CTNNA3: variants seen among roughly 807,000 people sequenced by gnomAD.
CTNNA3 encodes catenin alpha-3.
Under a neutral mutation model 95.7 loss-of-function variants are expected in CTNNA3, and 76 were observed. The ratio of observed to expected loss-of-function variants is 0.79; its 90% CI spans 0.66 to 0.96. CTNNA3 has a LOEUF of 0.96. Among genes scored for constraint, CTNNA3 ranks in the 40% least tolerant of loss-of-function variants. The pLI is 0.00. For synonymous variants in CTNNA3, 431 were observed against 374.4 expected, an observed-to-expected ratio of 1.15 and a Z score of -1.74; for missense variants, 1,191 against 1,089.8, an observed-to-expected ratio of 1.09 and a Z score of -1.31.
chr10:67,040,406 G>A (rs1455833301), intron 7 of CTNNA3, among the ~76,000 whole-genome samples: 1 of 152,046 alleles, frequency 6.6e-6, no homozygotes, highest in Non-Finnish European at 1.5e-5. Context: ...GGGAGCCACT[G>A]CACAAAGGTC....
At chr10:67,438,794 T>C (rs549737780) in intron 5 of CTNNA3, among the ~76,000 whole-genome samples, 262 of 152,290 alleles carry the variant, frequency 1.7e-3, no homozygotes, top group African/African-American at 5.9e-3. Flanking sequence ...ATTGAACTTA[T>C]GCCCTGTCAC....
intron 5 of CTNNA3, among the ~76,000 whole-genome samples, chr10:67,320,681 A>G (rs562815061): frequency 1.3e-5 from 2 of 152,282 alleles, no homozygotes; most frequent in South Asian, 4.1e-4. Flanking sequence ...GTAGGTATTC[A>G]ATAAATGTTA....
intron 10 of CTNNA3, among the ~76,000 whole-genome samples, chr10:66,578,325 T>C (rs57939286): frequency 0.22 from 33,316 of 151,852 alleles, 4,639 homozygotes; most frequent in Middle Eastern, 0.41. Context: ...TCTTACCTGA[T>C]TACTTTGGCT....
chr10:66,810,653 T>TC (rs34219975), intron 7 of CTNNA3, among the ~76,000 whole-genome samples: 129,861 of 152,122 alleles, frequency 0.85, 55,971 homozygotes, highest in East Asian at 1. Context: ...TTACTTAAAA[T>TC]CTTCAATGTT....
chr10:67,641,839 A>G (rs538982075), intron 2 of CTNNA3, among the ~76,000 whole-genome samples: 6 of 152,236 alleles, frequency 3.9e-5, no homozygotes, highest in Middle Eastern at 3.4e-3. Context: ...GGGGAACATC[A>G]CACACCTGGG....
intron 11 of CTNNA3, among the ~76,000 whole-genome samples, chr10:66,427,644 T>C (rs890073494): frequency 2.6e-5 from 4 of 152,040 alleles, no homozygotes; most frequent in African/African-American, 9.7e-5. Flanking sequence ...AATAAGCCAT[T>C]TCAGCATATG....
At chr10:66,504,391 T>G (rs1373274556) in intron 11 of CTNNA3, among the ~76,000 whole-genome samples, 1 of 152,198 alleles carries the variant, frequency 6.6e-6, no homozygotes, top group African/African-American at 2.4e-5. Context: ...CCCAGGATGC[T>G]TTCTAAGTCC....
At position 65,956,702 on chromosome 10, in the gene CTNNA3, G is replaced by A. The variant is rs559561398; in HGVS notation, c.2400+9910C>T. ...TATCCATGTGGTTGAGTGGTTTTGA[G>A]TGAGTTTCTTAATCCTGAGTCCTAG... On this transcript the variant is annotated intron_variant, in intron 17 of 17. Transcript: ENST00000433211. Among the ~76,000 whole-genome samples the A allele has an allele frequency of 1.9e-4, 29 of 152,346 alleles. No homozygotes were observed. The South Asian group carries it at 5.0e-3, about 26-fold the overall frequency.
At chr10:66,630,342 G>C (rs1845088779) in intron 9 of CTNNA3, among the ~76,000 whole-genome samples, 1 of 152,104 alleles carries the variant, frequency 6.6e-6, no homozygotes, top group South Asian at 2.1e-4. Context: ...CAAAGGCTTA[G>C]ACAACTGGAC....
chr10:67,127,270 G>C lies in CTNNA3; in HGVS notation c.1047+53047C>G, dbSNP rs1859762520. The stretch of plus-strand genomic sequence containing the variant: ...AGTGGAGAGATACTGACATAGTCTG[G>C]AGAATTATTGACTTATTATACACTT... On this transcript the variant is annotated intron_variant, in intron 7 of 17. Coordinates refer to ENST00000433211, the MANE Select transcript of CTNNA3 (RefSeq NM_013266.4). Among the ~76,000 whole-genome samples, 3 of 152,174 alleles carry C rather than the reference G, an allele frequency of 2.0e-5. No homozygotes were observed. The South Asian group carries it at 6.2e-4, about 32-fold the overall frequency.
At chr10:65,943,068 C>CT (rs749513883) in intron 17 of CTNNA3, among the ~76,000 whole-genome samples, 2,048 of 142,076 alleles carry the variant, frequency 0.014, 57 homozygotes, top group East Asian at 0.11. Flanking sequence ...TTTTCTTTTT[C>CT]TTTTTTTTTT....
chr10:66,476,216 C>T (rs2921930), intron 11 of CTNNA3, among the ~76,000 whole-genome samples: 38 of 151,566 alleles, frequency 2.5e-4, no homozygotes, highest in Non-Finnish European at 2.4e-4. Flanking sequence ...TCAGCAGGAA[C>T]GGGGGATGTG....
chr10:66,416,363 GAGAA>G (rs1390264687), intron 11 of CTNNA3, among the ~76,000 whole-genome samples: 18 of 151,848 alleles, frequency 1.2e-4, no homozygotes, highest in South Asian at 4.2e-4. Flanking sequence ...AAGGCAAAGA[GAGAA>G]AGAGTTTAAA....
At chr10:66,841,818 TACAC>T (rs1843074391) in intron 7 of CTNNA3, among the ~76,000 whole-genome samples, 1 of 152,168 alleles carries the variant, frequency 6.6e-6, no homozygotes, top group African/African-American at 2.4e-5. Flanking sequence ...ATTAAGCACT[TACAC>T]AAACAAATAT....
chr10:66,258,973 T>C (rs189940954), intron 13 of CTNNA3, among the ~76,000 whole-genome samples: 2 of 152,310 alleles, frequency 1.3e-5, no homozygotes, highest in African/African-American at 4.8e-5. Flanking sequence ...TTTCCTAAAG[T>C]AACCACTACT....
At chr10:65,979,422 T>C (rs1038184023) in intron 16 of CTNNA3, among the ~76,000 whole-genome samples, 1 of 152,120 alleles carries the variant, frequency 6.6e-6, no homozygotes, top group African/African-American at 2.4e-5. Flanking sequence ...CTGAAATTTG[T>C]CATTCAAAGA....
intron 13 of CTNNA3, among the ~76,000 whole-genome samples, chr10:66,129,222 C>A (rs2082973065): frequency 6.6e-6 from 1 of 152,182 alleles, no homozygotes. Context: ...CGAGATTGTG[C>A]CATTGCACTC....
At chr10:66,827,216 T>G (rs1842546986) in intron 7 of CTNNA3, among the ~76,000 whole-genome samples, 1 of 152,182 alleles carries the variant, frequency 6.6e-6, no homozygotes, top group South Asian at 2.1e-4. Context: ...TGCTGACTTG[T>G]GTTCTTTTGC....
intron 9 of CTNNA3, among the ~76,000 whole-genome samples, chr10:66,683,624 G>A (rs941214831): frequency 3.7e-5 from 5 of 136,044 alleles, no homozygotes; most frequent in African/African-American, 1.5e-4. Flanking sequence ...AATGTGCTAT[G>A]CAAGTCATCA....
Sources: allele counts gnomAD v4.1 joint callset (sites outside exome capture counted in the v4.1 genomes callset), GRCh38; gene constraint gnomAD v4.1.1; transcripts MANE v1.5; gene names NCBI Gene and HGNC (gene_info 2026-07-23, HGNC 2026-07-21).